The following GJB3 variants were observed in gnomAD, a reference collection of about 807,000 sequenced individuals.
GJB3 encodes the protein gap junction beta-3 protein.
Under a neutral mutation model 8.1 loss-of-function variants are expected in GJB3, and 6 were observed. That is an observed-to-expected ratio of 0.75 (90% CI 0.41 to 1.47). GJB3 has a LOEUF of 1.47. Among genes scored for constraint, GJB3 ranks in the 40% most tolerant of loss-of-function variants. The pLI is 0.02. For missense variants in GJB3, 348 were observed against 365.6 expected (o/e 0.95, Z 0.39); for synonymous variants, 137 against 156.4 (o/e 0.88, Z 0.93).
rs759759043 is a variant in GJB3 at position 34,785,240 on chromosome 1, C to T, written c.478C>T (p.Arg160Cys). 29 of 1,613,922 alleles carry T rather than the reference C, an allele frequency of 1.8e-5. 2 individuals are homozygous for T. In the South Asian group the frequency reaches 2.1e-4, roughly 12 times the overall value. ...HTLWHGFNMP[R>C]LVQCANVAPC... is the part of the protein sequence containing the mutation. ...TCTCTGGCATGGCTTCAATATGCCG[C>T]GCCTGGTGCAGTGTGCCAACGTGGC... Residue 160 changes from arginine to cysteine, a missense_variant, in exon 2 of 2, where the codon CGC becomes TGC. Physicochemically the swap from Arg to Cys is radical, Grantham distance 180. Transcript: ENST00000373366. The surrounding 1 kb of genome is among the most constrained non-coding windows in gnomAD (Gnocchi z 4.7).
intron 1 of GJB3, chr1:34,782,353 G>C (rs1640024344): frequency 6.6e-6 from 1 of 152,258 alleles, no homozygotes; most frequent in African/African-American, 2.4e-5. Flanking sequence ...GAGTGTGTCA[G>C]GTGGAAGCAG....
Position 34,785,488 on chromosome 1 carries a change from C to T in GJB3, c.726C>T (p.His242=), listed in dbSNP as rs751625300. Reference sequence around the variant, plus strand: ...GCCGAGCTTCCACCTGCCGCTGCCACCACAAGCTGGTGGAGGCTGGGGAGG... The same window carrying T: ...GCCGAGCTTCCACCTGCCGCTGCCATCACAAGCTGGTGGAGGCTGGGGAGG... The part of the protein sequence containing the change: ...SASRASTCRC[H]HKLVEAGEVD... Residue 242 remains histidine (H), a synonymous_variant, in exon 2 of 2, where the codon CAC becomes CAT. Coordinates refer to ENST00000373366, the MANE Select transcript of GJB3 (RefSeq NM_024009.3). The surrounding 1 kb of genome is among the most constrained non-coding windows in gnomAD (Gnocchi z 4.7). 6.2e-7 allele frequency: 1 copy of T among 1,614,150 alleles called. No homozygotes were observed. The highest frequency in any genetic ancestry group is 1.7e-5 in the Admixed American group (1 of 60,026).
chr1:34,783,927 G>A (rs993660189), intron 1 of GJB3, among the ~76,000 whole-genome samples: 1 of 152,178 alleles, frequency 6.6e-6, no homozygotes, highest in Non-Finnish European at 1.5e-5. Context: ...ACAGGGAGCA[G>A]GGAGTTTTCT....
At chr1:34,784,702 T>A (rs1640069265) in intron 1 of GJB3, 36 bp from the exon 2 acceptor site, 2 of 1,336,558 alleles carry the variant, frequency 1.5e-6, no homozygotes, top group East Asian at 2.4e-5. Context: ...AGTCACCTAT[T>A]CATTCATACG....
chr1:34,785,247 T>G lies in GJB3; in HGVS notation c.485T>G (p.Val162Gly), dbSNP rs1571580577. The change falls in exon 2 of 2, where the codon GTG becomes GGG. Residue 162 changes from valine to glycine, a missense_variant. Coordinates refer to ENST00000373366, the MANE Select transcript of GJB3 (RefSeq NM_024009.3). This position sits in a 1 kb window ranked among gnomAD's most constrained non-coding sequence, Gnocchi z 4.7. ...LWHGFNMPRL[V>G]QCANVAPCPN... ...CATGGCTTCAATATGCCGCGCCTGG[T>G]GCAGTGTGCCAACGTGGCCCCCTGC... 1 of 1,614,054 alleles carries G rather than the reference T, an allele frequency of 6.2e-7. No homozygotes were observed. The highest frequency in any genetic ancestry group is 8.5e-7 in the Non-Finnish European group (1 of 1,180,006).
chr1:34,783,737 A>C (rs1293575166), intron 1 of GJB3, among the ~76,000 whole-genome samples: 3 of 152,086 alleles, frequency 2.0e-5, no homozygotes, highest in African/African-American at 7.2e-5. Context: ...GGGTGCTCTC[A>C]CACCCACAGC....
chr1:34,781,317 G>A lies in GJB3; in HGVS notation c.-487G>A, dbSNP rs1037842524. On this transcript the variant is annotated 5_prime_UTR_variant, in exon 1 of 2. Coordinates refer to ENST00000373366, the MANE Select transcript of GJB3 (RefSeq NM_024009.3). This position sits in a 1 kb window ranked among gnomAD's most constrained non-coding sequence, Gnocchi z 6.2. ...CGAGGTCGACGGCCCGTCGCACCGG[G>A]AGGGGGGGCTCCCAGGGGTGCCCCA... is the stretch of plus-strand genomic sequence containing the variant. 35 of 152,336 alleles carry A rather than the reference G, an allele frequency of 2.3e-4. No individual in the cohort carries two copies. The highest frequency in any genetic ancestry group is 7.7e-4 in the African/African-American group (32 of 41,588). 9.4% of individuals were successfully genotyped at this position (152,336 alleles called of 1,614,324 possible).
At position 34,784,897 on chromosome 1, in the gene GJB3, G is replaced by T. The variant is rs550331798; in HGVS notation, c.135G>T (p.Gly45=). ...TGGTGGCTGCAGAGCGCGTGTGGGG[G>T]GATGAGCAGAAGGACTTTGACTGCA... is the stretch of plus-strand genomic sequence containing the variant. The part of the protein sequence containing the change: ...VYVVAAERVW[G]DEQKDFDCNT... The change falls in exon 2 of 2, where the codon GGG becomes GGT. Residue 45 remains glycine (G), a synonymous_variant. Transcript: ENST00000373366. The T allele has an allele frequency of 1.9e-6, 3 of 1,614,142 alleles. No individual in the cohort carries two copies. The Admixed American group carries it at 5.0e-5, about 27-fold the overall frequency.
At chr1:34,782,012 C>A (rs1008109628) in intron 1 of GJB3, among the ~76,000 whole-genome samples, 1 of 152,228 alleles carries the variant, frequency 6.6e-6, no homozygotes, top group Non-Finnish European at 1.5e-5. Flanking sequence ...CACCCCCTCC[C>A]CAAGTCCGCA....
rs1805063 is a variant in GJB3, at chr1:34,784,856, C to T, written c.94C>T (p.Arg32Trp). Residue 32 changes from arginine to tryptophan, a missense_variant, in exon 2 of 2, where the codon CGG becomes TGG. Physicochemically the swap from Arg to Trp is moderately radical, Grantham distance 101. Transcript: ENST00000373366. ...CTGGCTGTCCGTGGTGTTCGTCTTC[C>T]GGGTGCTGGTATACGTGGTGGCTGC... ...RIWLSVVFVF[R>W]VLVYVVAAER... is the part of the protein sequence containing the mutation. 46,599 of 1,614,166 alleles carry T rather than the reference C, an allele frequency of 0.029. 759 individuals are homozygous for T. Among genetic ancestry groups the T allele is most frequent in the Non-Finnish European group, 0.033 (39,062 of 1,180,024 alleles).
Position 34,785,897 on chromosome 1 carries a change from C to T in GJB3, c.*322C>T. 1 of 413,208 alleles carries T rather than the reference C, an allele frequency of 2.4e-6. No homozygotes were observed. The highest frequency in any genetic ancestry group is 4.6e-6 in the Non-Finnish European group (1 of 215,724). 25.6% of individuals were successfully genotyped at this position (413,208 alleles called of 1,614,324 possible). ...AGGGATCAACCCAGGAAGGGATGAT[C>T]AGGAGAGGCTTCCCTGAGGACATAA... On this transcript the variant is annotated 3_prime_UTR_variant, in exon 2 of 2. Transcript: ENST00000373366. This position sits in a 1 kb window ranked among gnomAD's most constrained non-coding sequence, Gnocchi z 4.7.
At position 34,785,057 on chromosome 1, in the gene GJB3, G is replaced by A. The variant is rs771889003; in HGVS notation, c.295G>A (p.Glu99Lys). Reference sequence around the variant, plus strand: ...GGTCATCCTGCACGTGGCCTACCGTGAGGAGCGGGAGCGCCGGCACCGCCA... The same window carrying A: ...GGTCATCCTGCACGTGGCCTACCGTAAGGAGCGGGAGCGCCGGCACCGCCA... ...LLVILHVAYREERERRHRQKH... is the reference protein window; with the variant it reads ...LLVILHVAYRKERERRHRQKH... Residue 99 changes from glutamate (E) to lysine (K), a missense_variant, in exon 2 of 2, where the codon GAG becomes AAG. Physicochemically the swap from Glu to Lys is moderately conservative, Grantham distance 56. Transcript: ENST00000373366. This position sits in a 1 kb window ranked among gnomAD's most constrained non-coding sequence, Gnocchi z 4.7. 1.9e-6 allele frequency: 3 copies of A among 1,614,104 alleles called. No homozygotes were observed. The highest frequency in any genetic ancestry group is 2.5e-6 in the Non-Finnish European group (3 of 1,180,032).
In GJB3 at chr1:34,785,062, G is replaced by A. The variant is rs776836950; in HGVS notation, c.300G>A (p.Glu100=). The part of the protein sequence containing the change: ...LVILHVAYRE[E]RERRHRQKHG... ...TCCTGCACGTGGCCTACCGTGAGGA[G>A]CGGGAGCGCCGGCACCGCCAGAAAC... The change falls in exon 2 of 2, where the codon GAG becomes GAA. Residue 100 remains glutamate, a synonymous_variant. Coordinates refer to ENST00000373366, the MANE Select transcript of GJB3 (RefSeq NM_024009.3). The surrounding 1 kb of genome is among the most constrained non-coding windows in gnomAD (Gnocchi z 4.7). 10 of 1,614,006 alleles carry A rather than the reference G, an allele frequency of 6.2e-6. No individual in the cohort carries two copies. In the South Asian group the frequency reaches 6.6e-5, roughly 11 times the overall value.
Position 34,785,690 on chromosome 1 carries a change from T to C in GJB3, c.*115T>C. The C allele has an allele frequency of 7.2e-6, 6 of 829,756 alleles. No individual in the cohort carries two copies. The highest frequency in any genetic ancestry group is 6.5e-5 in the South Asian group (4 of 61,762). The allele number at this position is 829,756 out of a possible 1,614,324, so 51.4% of individuals were successfully genotyped here. ...ACCCCACTCTGAGTTCACTAAGTTATGCAACTTTCGTTTTGGCAGATATTT... is the reference window on the plus strand; with the variant it reads ...ACCCCACTCTGAGTTCACTAAGTTACGCAACTTTCGTTTTGGCAGATATTT... On this transcript the variant is annotated 3_prime_UTR_variant, in exon 2 of 2. Coordinates refer to ENST00000373366, the MANE Select transcript of GJB3 (RefSeq NM_024009.3). This position sits in a 1 kb window ranked among gnomAD's most constrained non-coding sequence, Gnocchi z 4.7.
In GJB3 at chr1:34,785,499, T is replaced by A. The variant is rs1472949828; in HGVS notation, c.737T>A (p.Val246Glu). The change falls in exon 2 of 2, where the codon GTG becomes GAG. Residue 246 changes from valine (V) to glutamate (E), a missense_variant. Val to Glu is a moderately radical substitution (Grantham distance 121). Coordinates refer to ENST00000373366, the MANE Select transcript of GJB3 (RefSeq NM_024009.3). This position sits in a 1 kb window ranked among gnomAD's most constrained non-coding sequence, Gnocchi z 4.7. ...ASTCRCHHKL[V>E]EAGEVDPDPG... ...ACCTGCCGCTGCCACCACAAGCTGG[T>A]GGAGGCTGGGGAGGTGGATCCAGAC... The A allele has an allele frequency of 6.2e-7, 1 of 1,613,908 alleles. No homozygotes were observed.
At chr1:34,784,175 G>T (rs375303388) in intron 1 of GJB3, among the ~76,000 whole-genome samples, 1 of 150,048 alleles carries the variant, frequency 6.7e-6, no homozygotes, top group South Asian at 2.1e-4. Flanking sequence ...TCTAGGGCAG[G>T]AGTCCAGCGG....
chr1:34,785,436 G>C lies in GJB3; in HGVS notation c.674G>C (p.Gly225Ala). 1 of 1,614,074 alleles carries C rather than the reference G, an allele frequency of 6.2e-7. No individual in the cohort carries two copies. Among genetic ancestry groups the C allele is most frequent in the Non-Finnish European group, 8.5e-7 (1 of 1,179,982 alleles). ...GGCCTGCACAAGGACAAGCCTCGAG[G>C]GGGTTGCAGCCCCTCGTCCTCCGCC... ...LRGLHKDKPRGGCSPSSSASR... is the reference protein window; with the variant it reads ...LRGLHKDKPRAGCSPSSSASR... Residue 225 changes from glycine (G) to alanine (A), a missense_variant, in exon 2 of 2, where the codon GGG becomes GCG. Physicochemically the swap from Gly to Ala is moderately conservative, Grantham distance 60 (BLOSUM62 0). Coordinates refer to ENST00000373366, the MANE Select transcript of GJB3 (RefSeq NM_024009.3). The surrounding 1 kb of genome is among the most constrained non-coding windows in gnomAD (Gnocchi z 4.7).
chr1:34,783,690 T>G (rs1438703289), intron 1 of GJB3, among the ~76,000 whole-genome samples: 2 of 152,144 alleles, frequency 1.3e-5, no homozygotes, highest in Non-Finnish European at 2.9e-5. Flanking sequence ...GGGACTCACA[T>G]GCACATAGGC....
Position 34,785,200 on chromosome 1 carries a change from C to G in GJB3, c.438C>G (p.Leu146=). 1 of 1,614,220 alleles carries G rather than the reference C, an allele frequency of 6.2e-7. No homozygotes were observed. The highest frequency in any genetic ancestry group is 8.5e-7 in the Non-Finnish European group (1 of 1,180,042). Residue 146 remains leucine, a synonymous_variant, in exon 2 of 2, where the codon CTC becomes CTG. Transcript: ENST00000373366. This position sits in a 1 kb window ranked among gnomAD's most constrained non-coding sequence, Gnocchi z 4.7. ...IFKLIIEFLF[L]YLLHTLWHGF... The stretch of plus-strand genomic sequence containing the variant: ...AGCTCATCATTGAGTTCCTCTTCCT[C>G]TACCTGCTGCACACTCTCTGGCATG...
Sources: allele counts gnomAD v4.1 joint callset (sites outside exome capture counted in the v4.1 genomes callset), GRCh38; gene constraint gnomAD v4.1.1; non-coding constraint Gnocchi (gnomAD v3.1); transcripts MANE v1.5; gene names NCBI Gene and HGNC (gene_info 2026-07-23, HGNC 2026-07-21).